The following SOHLH2 variants were observed in gnomAD, a reference collection of about 807,000 sequenced individuals.
SOHLH2 encodes the protein spermatogenesis and oogenesis specific basic helix-loop-helix 2.
Under a neutral mutation model 50.4 loss-of-function variants are expected in SOHLH2, and 22 were observed. The observed-to-expected ratio is 0.44, with a 90% CI of 0.31 to 0.62. The LOEUF (loss-of-function observed/expected upper bound fraction) is 0.62. SOHLH2 is among the 20% of genes least tolerant of loss of function. The pLI is 0.08. For missense variants in SOHLH2, 412 were observed against 504.4 expected (o/e 0.82, Z 1.76); for synonymous variants, 185 against 187.3 (o/e 0.99, Z 0.10).
At position 36,175,973 on chromosome 13, in the gene SOHLH2, G is replaced by C. The variant is rs917512132; in HGVS notation, c.642-1104C>G. On this transcript the variant is annotated intron_variant, in intron 6 of 10. Coordinates refer to ENST00000379881, the MANE Select transcript of SOHLH2 (RefSeq NM_017826.3). The stretch of plus-strand genomic sequence containing the variant: ...GAATCTAAAACACAGAGCACAGTAT[G>C]TATACACAGAAACCCATTAGAGCAA... Among the ~76,000 whole-genome samples the C allele has an allele frequency of 1.4e-4, 22 of 152,240 alleles. No individual in the cohort carries two copies. In the South Asian group the frequency reaches 4.6e-3, roughly 32 times the overall value.
intron 2 of SOHLH2, among the ~76,000 whole-genome samples, chr13:36,198,572 G>T (rs9575551): frequency 6.6e-6 from 1 of 152,062 alleles, no homozygotes; most frequent in Non-Finnish European, 1.5e-5. Context: ...TATCAGGAAC[G>T]TTAACCTATA....
chr13:36,211,460 G>A (rs547338743), intron 1 of SOHLH2, among the ~76,000 whole-genome samples: 2 of 152,358 alleles, frequency 1.3e-5, no homozygotes, highest in South Asian at 4.1e-4. Context: ...CAAGGTCCTT[G>A]CCCTCATGGG....
At chr13:36,207,066 TATC>T (rs1317215763) in intron 1 of SOHLH2, among the ~76,000 whole-genome samples, 1 of 151,970 alleles carries the variant, frequency 6.6e-6, no homozygotes, top group Non-Finnish European at 1.5e-5. Context: ...AACTTTTCTT[TATC>T]ATCTTTTCTG....
At chr13:36,169,967 T>G (rs1473504942) in intron 10 of SOHLH2, among the ~76,000 whole-genome samples, 2 of 152,224 alleles carry the variant, frequency 1.3e-5, no homozygotes, top group Non-Finnish European at 2.9e-5. Flanking sequence ...TAAATCTGCA[T>G]GAGGGCAGGG....
chr13:36,204,326 T>G (rs1023714466), intron 1 of SOHLH2, among the ~76,000 whole-genome samples: 4 of 152,210 alleles, frequency 2.6e-5, no homozygotes, highest in African/African-American at 7.2e-5. Context: ...GTTTCCTTTA[T>G]GGCTTTGGTG....
chr13:36,197,019 T>G (rs1179395299), intron 2 of SOHLH2, among the ~76,000 whole-genome samples: 1 of 152,204 alleles, frequency 6.6e-6, no homozygotes, highest in Non-Finnish European at 1.5e-5. Context: ...TTTTTGTGAA[T>G]GAATATTCCT....
intron 6 of SOHLH2, chr13:36,183,210 G>T (rs1360974641): frequency 1.4e-5 from 5 of 346,828 alleles, no homozygotes; most frequent in Admixed American, 9.9e-5. Flanking sequence ...GCAGAATCAC[G>T]AGTCAATTAA....
chr13:36,185,567 A>G (rs1887393877), intron 6 of SOHLH2, among the ~76,000 whole-genome samples: 1 of 152,124 alleles, frequency 6.6e-6, no homozygotes, highest in South Asian at 2.1e-4. Flanking sequence ...TAGAAAATCA[A>G]TGAATCAAAA....
At chr13:36,182,773 T>C (rs1478708959) in intron 6 of SOHLH2, 1 of 152,282 alleles carries the variant, frequency 6.6e-6, no homozygotes, top group Non-Finnish European at 1.5e-5. Context: ...AAACAGTTTG[T>C]TGATTTCCAC....
At chr13:36,177,700 C>T (rs1887130048) in intron 6 of SOHLH2, among the ~76,000 whole-genome samples, 1 of 152,070 alleles carries the variant, frequency 6.6e-6, no homozygotes, top group African/African-American at 2.4e-5. Context: ...CTTTTGGGCA[C>T]TTGTATAGCT....
chr13:36,188,725 T>TC lies in SOHLH2; in HGVS notation c.641+1220dup, dbSNP rs1887495328. Among the ~76,000 whole-genome samples the TC allele has an allele frequency of 2.6e-5, 4 of 152,194 alleles. No homozygotes were observed. The South Asian group carries it at 8.3e-4, about 31-fold the overall frequency. ...TTATCTCCTTAGTAACTCTTTGTGT[T>TC]CCCCATGGATTCCTTCTCTGCTGCC... On this transcript the variant is annotated intron_variant, in intron 6 of 10. Coordinates refer to ENST00000379881, the MANE Select transcript of SOHLH2 (RefSeq NM_017826.3).
intron 6 of SOHLH2, 39 bp from the exon 7 acceptor site, chr13:36,174,908 T>C: frequency 6.5e-7 from 1 of 1,531,460 alleles, no homozygotes. Context: ...ATAATTAGTC[T>C]CATTGTCTTC....
chr13:36,190,212 T>C (rs1161817236), intron 5 of SOHLH2, among the ~76,000 whole-genome samples, 156 bp from the exon 6 acceptor site: 1 of 152,214 alleles, frequency 6.6e-6, no homozygotes, highest in Non-Finnish European at 1.5e-5. Context: ...TCTTAGACAT[T>C]TGGTGCAGAA....
chr13:36,196,727 C>T (rs985613198), intron 2 of SOHLH2, among the ~76,000 whole-genome samples: 4 of 152,092 alleles, frequency 2.6e-5, no homozygotes, highest in Non-Finnish European at 5.9e-5. Context: ...TTTACTGACA[C>T]AAAAATATGT....
At chr13:36,194,187 T>TG (rs915712335) in intron 2 of SOHLH2, among the ~76,000 whole-genome samples, 5 of 151,674 alleles carry the variant, frequency 3.3e-5, no homozygotes, top group African/African-American at 1.2e-4. Context: ...GAATCTAGAA[T>TG]GGGGGGAATT....
chr13:36,214,413 A>T (rs944592024), intron 1 of SOHLH2, 66 bp downstream of exon 1: 2 of 1,563,450 alleles, frequency 1.3e-6, no homozygotes, highest in African/African-American at 2.7e-5. Context: ...GGCCGAGGGG[A>T]CCACCGACCT....
chr13:36,206,240 G>A (rs909113073), intron 1 of SOHLH2, among the ~76,000 whole-genome samples: 69 of 151,920 alleles, frequency 4.5e-4, no homozygotes, highest in African/African-American at 1.6e-3. Flanking sequence ...ATTATCAGAC[G>A]GTATAATTAC....
At chr13:36,194,787 C>A (rs964627168) in intron 2 of SOHLH2, among the ~76,000 whole-genome samples, 1 of 152,122 alleles carries the variant, frequency 6.6e-6, no homozygotes, top group Non-Finnish European at 1.5e-5. Flanking sequence ...CTAAGAAAAG[C>A]AAACTATTCT....
intron 3 of SOHLH2, 27 bp downstream of exon 3, chr13:36,193,779 C>A: frequency 1.2e-6 from 2 of 1,600,878 alleles, no homozygotes; most frequent in Non-Finnish European, 1.7e-6. Context: ...AGAGAAAAAA[C>A]AAATACTATA....
Sources: allele counts gnomAD v4.1 joint callset (sites outside exome capture counted in the v4.1 genomes callset), GRCh38; gene constraint gnomAD v4.1.1; transcripts MANE v1.5; gene names NCBI Gene and HGNC (gene_info 2026-07-23, HGNC 2026-07-21).